The following AK3 variants were observed in gnomAD, a reference collection of about 807,000 sequenced individuals.
AK3 encodes adenylate kinase 3, also known as GTP:AMP phosphotransferase AK3, mitochondrial.
In AK3, 27 loss-of-function variants were observed where a neutral mutation model predicts 23.7. The ratio of observed to expected loss-of-function variants is 1.14; its 90% CI spans 0.84 to 1.57. AK3 has a LOEUF of 1.57. AK3 is among the 40% of genes most tolerant of loss of function. AK3 has a pLI of 0.00. For missense variants in AK3, 406 were observed against 285.6 expected (o/e 1.42, Z -3.04); for synonymous variants, 159 against 116.0 (o/e 1.37, Z -2.38).
intron 2 of AK3, among the ~76,000 whole-genome samples, chr9:4,721,726 T>C (rs1841901877): frequency 6.6e-6 from 1 of 152,240 alleles, no homozygotes; most frequent in Non-Finnish European, 1.5e-5. Context: ...CCCAAAGTGC[T>C]GGAATTAAAG....
intron 1 of AK3, among the ~76,000 whole-genome samples, chr9:4,738,345 T>G (rs1842344931): frequency 6.6e-6 from 1 of 152,126 alleles, no homozygotes. Flanking sequence ...TTTGTATTTT[T>G]AGTAGAGACA....
chr9:4,728,864 T>TACACACAC (rs1168147185), intron 1 of AK3, among the ~76,000 whole-genome samples: 6 of 77,552 alleles, frequency 7.7e-5, no homozygotes, highest in African/African-American at 2.6e-4. Context: ...TATATATATA[T>TACACACAC]ATACACACAC....
Position 4,714,143 on chromosome 9 carries a change from T to TACACACCTCCACATAC in AK3, c.564-1063_564-1048dup, listed in dbSNP as rs1349229065. ...CTCCACATATACACACCTACACATA[T>TACACACCTCCACATAC]ACACACCTCCACATACACACACCTC... On this transcript the variant is annotated intron_variant, in intron 4 of 4. Transcript: ENST00000381809. Among the ~76,000 whole-genome samples the TACACACCTCCACATAC allele has an allele frequency of 1.4e-3, 22 of 16,102 alleles. 1 individual carries two copies. The highest frequency in any genetic ancestry group is 7.0e-3 in the South Asian group (4 of 568). 10.6% of individuals were successfully genotyped at this position (16,102 alleles called of 152,430 possible). A position where few individuals can be genotyped will look rare whatever the true frequency, so the allele number is the denominator to read the frequency against.
rs1587660095 is a variant in AK3 at position 4,736,008 on chromosome 9, A to G, written c.151+4929T>C. ...CTCACAGCTGTAATCCCAGCTACTC[A>G]GGAGGCTGAGGCAGGAGAAGCACTT... On this transcript the variant is annotated intron_variant, in intron 1 of 4. Coordinates refer to ENST00000381809, the MANE Select transcript of AK3 (RefSeq NM_016282.4). 2.6e-5 allele frequency among the ~76,000 whole-genome samples: 4 copies of G among 151,168 alleles called. No individual in the cohort carries two copies. The Middle Eastern group carries it at 0.01, about 386-fold the overall frequency.
intron 1 of AK3, among the ~76,000 whole-genome samples, chr9:4,724,169 G>A (rs571579625): frequency 1.3e-5 from 2 of 152,084 alleles, no homozygotes; most frequent in African/African-American, 4.8e-5. Flanking sequence ...CACTAAAACA[G>A]CCTTATACTT....
In AK3 at chr9:4,710,162, C is replaced by G. The variant is rs1417711980; in HGVS notation, c.*2814G>C. 1 of 151,964 alleles carries G rather than the reference C, an allele frequency of 6.6e-6. No homozygotes were observed. Among genetic ancestry groups the G allele is most frequent in the African/African-American group, 2.4e-5 (1 of 41,422 alleles). The allele number at this position is 151,964 out of a possible 1,614,324, so 9.4% of individuals were successfully genotyped here. A position where few individuals can be genotyped will look rare whatever the true frequency, so the allele number is the denominator to read the frequency against. ...TACACGCTGCTTACAAAAGGTATAG[C>G]AAAATAACTTTTACTCTATAAAATA... is the stretch of plus-strand genomic sequence containing the variant. On this transcript the variant is annotated 3_prime_UTR_variant, in exon 5 of 5. Coordinates refer to ENST00000381809, the MANE Select transcript of AK3 (RefSeq NM_016282.4).
At chr9:4,718,279 C>T (rs1329148654) in intron 4 of AK3, 140 bp downstream of exon 4, 3 of 667,370 alleles carry the variant, frequency 4.5e-6, no homozygotes, top group Non-Finnish European at 8.0e-6. Flanking sequence ...GTTACACAAG[C>T]TAATGTATTT....
chr9:4,720,209 A>C (rs1563786768), intron 2 of AK3, among the ~76,000 whole-genome samples: 1 of 152,242 alleles, frequency 6.6e-6, no homozygotes, highest in East Asian at 1.9e-4. Flanking sequence ...TGTGGTTCAA[A>C]AACAGAGAGA....
rs1483523403 is a variant in AK3, at chr9:4,741,137, C to A, written c.-50G>T. On this transcript the variant is annotated 5_prime_UTR_variant, in exon 1 of 5. Transcript: ENST00000381809. ...CGCGGGTACCAGGGCTTTGGCCTGG[C>A]CTGCGCGCTCACCCGCTCGGCAGCC... The A allele has an allele frequency of 2.1e-5, 29 of 1,387,072 alleles. No homozygotes were observed. Among genetic ancestry groups the A allele is most frequent in the Non-Finnish European group, 2.4e-5 (26 of 1,070,178 alleles). The allele number at this position is 1,387,072 out of a possible 1,614,324, so 85.9% of individuals were successfully genotyped here. A position where few individuals can be genotyped will look rare whatever the true frequency, so the allele number is the denominator to read the frequency against.
chr9:4,720,710 G>T (rs534078228), intron 2 of AK3, among the ~76,000 whole-genome samples: 1 of 146,146 alleles, frequency 6.8e-6, no homozygotes, highest in Non-Finnish European at 1.5e-5. Flanking sequence ...AAGTGACAAA[G>T]GTTAAAACCG....
chr9:4,715,870 G>A (rs985250189), intron 4 of AK3, among the ~76,000 whole-genome samples: 8 of 152,126 alleles, frequency 5.3e-5, no homozygotes, highest in Middle Eastern at 3.2e-3. Flanking sequence ...AAACTCAGTC[G>A]ACGAGGTTCA....
chr9:4,738,152 A>C (rs1244508721), intron 1 of AK3, among the ~76,000 whole-genome samples: 1 of 152,242 alleles, frequency 6.6e-6, no homozygotes, highest in Non-Finnish European at 1.5e-5. Context: ...ATAACTATAC[A>C]ACTTTGATAA....
chr9:4,740,485 T>G (rs184503291), intron 1 of AK3, among the ~76,000 whole-genome samples: 1 of 151,990 alleles, frequency 6.6e-6, no homozygotes, highest in South Asian at 2.1e-4. Context: ...TCATAGAGCT[T>G]AACCACACCA....
At chr9:4,740,800 C>T (rs1842410980) in intron 1 of AK3, 137 bp downstream of exon 1, 1 of 1,145,326 alleles carries the variant, frequency 8.7e-7, no homozygotes, top group Non-Finnish European at 1.2e-6. Context: ...CTCAGCAGCC[C>T]GAGGTCTCTG....
At position 4,711,663 on chromosome 9, in the gene AK3, T is replaced by C. The variant is rs1400389893; in HGVS notation, c.*1313A>G. On this transcript the variant is annotated 3_prime_UTR_variant, in exon 5 of 5. Coordinates refer to ENST00000381809, the MANE Select transcript of AK3 (RefSeq NM_016282.4). ...GCACGAAGTAAAGTAAGAGTAAATA[T>C]GCCATGGAAGACATAATCAAGTTTT... 2 of 152,220 alleles carry C rather than the reference T, an allele frequency of 1.3e-5. No individual in the cohort carries two copies. Among genetic ancestry groups the C allele is most frequent in the Admixed American group, 1.3e-4 (2 of 15,274 alleles). The allele number at this position is 152,220 out of a possible 1,614,324, so 9.4% of individuals were successfully genotyped here.
intron 1 of AK3, among the ~76,000 whole-genome samples, chr9:4,727,442 G>T (rs890778130): frequency 6.6e-6 from 1 of 152,202 alleles, no homozygotes; most frequent in African/African-American, 2.4e-5. Flanking sequence ...CTGTTATAGA[G>T]ACGGCTTCTT....
At chr9:4,737,583 G>A (rs1842326226) in intron 1 of AK3, among the ~76,000 whole-genome samples, 1 of 152,148 alleles carries the variant, frequency 6.6e-6, no homozygotes, top group South Asian at 2.1e-4. Flanking sequence ...CCACGGTGGT[G>A]CAAGCCTGTA....
rs762694618 is a variant in AK3, at chr9:4,722,534, ATTTT to A, written c.239_242del (p.Lys80IlefsTer22). On this transcript the variant is annotated frameshift_variant, in exon 2 of 5. Transcript: ENST00000381809. LOFTEE classifies it high-confidence loss of function. Reference sequence around the variant, plus strand: ...CCAACAGCCAGCTATACTGGGTGAGATTTTTCAGCTCATGAAGGGCCAGCCGAGT... The same window carrying A: ...CCAACAGCCAGCTATACTGGGTGAGATCAGCTCATGAAGGGCCAGCCGAGT... The A allele has an allele frequency of 6.2e-7, 1 of 1,614,066 alleles. No individual in the cohort carries two copies. Among genetic ancestry groups the A allele is most frequent in the Non-Finnish European group, 8.5e-7 (1 of 1,180,006 alleles).
intron 3 of AK3, 96 bp downstream of exon 3, chr9:4,719,039 G>GGTCA (rs35554426): frequency 0.33 from 443,925 of 1,356,390 alleles, 76,023 homozygotes; most frequent in African/African-American, 0.52. Context: ...CAGGAGTTTT[G>GGTCA]GTCAGAGGAT....
Sources: allele counts gnomAD v4.1 joint callset (sites outside exome capture counted in the v4.1 genomes callset), GRCh38; gene constraint gnomAD v4.1.1; transcripts MANE v1.5; gene names NCBI Gene and HGNC (gene_info 2026-07-23, HGNC 2026-07-21).